Variants in PIP4P1 observed in about 807,000 individuals in gnomAD.
The protein encoded by PIP4P1 is phosphatidylinositol-4,5-bisphosphate 4-phosphatase 1, also known as type 1 phosphatidylinositol 4,5-bisphosphate 4-phosphatase.
Under a neutral mutation model 32.3 loss-of-function variants are expected in PIP4P1, and 14 were observed. The ratio of observed to expected loss-of-function variants is 0.43; its 90% CI spans 0.29 to 0.68. The LOEUF is 0.68. PIP4P1 is among the 30% of genes least tolerant of loss of function. The probability of loss-of-function intolerance (pLI) is 0.15; values close to 1 mark genes in which losing one functional copy is unlikely to be tolerated. For synonymous variants in PIP4P1, 132 were observed against 137.9 expected, an observed-to-expected ratio of 0.96 and a Z score of 0.30; for missense variants, 289 against 364.5, an observed-to-expected ratio of 0.79 and a Z score of 1.69.
In PIP4P1 at chr14:20,460,645, T is replaced by C. The variant is rs1432948195; in HGVS notation, c.333+10A>G. 1 of 1,612,608 alleles carries C rather than the reference T, an allele frequency of 6.2e-7. No individual in the cohort carries two copies. The highest frequency in any genetic ancestry group is 8.5e-7 in the Non-Finnish European group (1 of 1,179,742). On this transcript the variant is annotated intron_variant, in intron 2 of 6. Transcript: ENST00000250489. Reference sequence around the variant, plus strand: ...AAACAGGGCCCATTTCATAGATATGTGTAACTCACGGTGGCTTCATTGCAG... The same window carrying C: ...AAACAGGGCCCATTTCATAGATATGCGTAACTCACGGTGGCTTCATTGCAG...
Position 20,457,884 on chromosome 14 carries a change from A to G in PIP4P1, c.*675T>C, listed in dbSNP as rs1390338923. 8.6e-6 allele frequency: 3 copies of G among 348,988 alleles called. No homozygotes were observed. The highest frequency in any genetic ancestry group is 1.7e-5 in the Non-Finnish European group (3 of 181,528). The allele number at this position is 348,988 out of a possible 1,614,324, so 21.6% of individuals were successfully genotyped here. ...AGAGTCATGACCTTATTTATTTACA[A>G]GCACAGGATAAGTCCCTAACCTCCC... On this transcript the variant is annotated 3_prime_UTR_variant, in exon 7 of 7. Coordinates refer to ENST00000250489, the MANE Select transcript of PIP4P1 (RefSeq NM_144568.4).
rs1221741189 is a variant in PIP4P1, at chr14:20,461,397, G to A, written c.-72C>T. The A allele has an allele frequency of 3.3e-6, 4 of 1,216,444 alleles. No homozygotes were observed. Among genetic ancestry groups the A allele is most frequent in the South Asian group, 4.0e-5 (1 of 24,874 alleles). The allele number at this position is 1,216,444 out of a possible 1,614,324, so 75.4% of individuals were successfully genotyped here. Reference sequence around the variant, plus strand: ...CGCCTCTGCCGTCGCCGCAGCCACCGCCACCGCCGCCACCGCCACCGCCGC... The same window carrying A: ...CGCCTCTGCCGTCGCCGCAGCCACCACCACCGCCGCCACCGCCACCGCCGC... On this transcript the variant is annotated 5_prime_UTR_variant, in exon 1 of 7. Coordinates refer to ENST00000250489, the MANE Select transcript of PIP4P1 (RefSeq NM_144568.4).
In PIP4P1 at chr14:20,460,207, C is replaced by T; in HGVS notation, c.425G>A (p.Cys142Tyr). ...TGCCTCTTACCAGTAGGGCCGAGGGCATGCAATCCGTTGGGATGTCACTTT... is the reference window on the plus strand; with the variant it reads ...TGCCTCTTACCAGTAGGGCCGAGGGTATGCAATCCGTTGGGATGTCACTTT... Reference protein sequence around the residue: ...ICKVTSQRIACPRPYCKRIIN... With the variant: ...ICKVTSQRIAYPRPYCKRIIN... The change falls in exon 3 of 7, where the codon TGC becomes TAC. Residue 142 changes from cysteine (C) to tyrosine (Y), a missense_variant. Physicochemically the swap from Cys to Tyr is radical, Grantham distance 194. Transcript: ENST00000250489. 1 of 1,614,058 alleles carries T rather than the reference C, an allele frequency of 6.2e-7. No homozygotes were observed. The highest frequency in any genetic ancestry group is 8.5e-7 in the Non-Finnish European group (1 of 1,179,906).
chr14:20,459,139 G>A (rs1490423335), intron 6 of PIP4P1, 67 bp downstream of exon 6: 1 of 1,533,078 alleles, frequency 6.5e-7, no homozygotes, highest in Non-Finnish European at 8.9e-7. Flanking sequence ...TAGGGTAGCA[G>A]TTTCCCAAAT....
chr14:20,460,454 G>A (rs1881658233), intron 2 of PIP4P1, 156 bp from the exon 3 acceptor site: 2 of 750,592 alleles, frequency 2.7e-6, no homozygotes, highest in Non-Finnish European at 2.2e-6. Flanking sequence ...TAGGAACTAG[G>A]CTAGGTGTAA....
chr14:20,461,117 G>A, intron 1 of PIP4P1, 67 bp downstream of exon 1: 1 of 1,269,540 alleles, frequency 7.9e-7, no homozygotes, highest in Non-Finnish European at 9.9e-7. Context: ...CCCCTCCCCG[G>A]CTTTCAGAGT....
At position 20,457,693 on chromosome 14, in the gene PIP4P1, T is replaced by TAA; in HGVS notation, c.*864_*865dup. On this transcript the variant is annotated 3_prime_UTR_variant, in exon 7 of 7. Transcript: ENST00000250489. Reference sequence around the variant, plus strand: ...TTTTATTTGAGGGTTTTTTGTTTTTTAAAAAAAAATTGAACAAAGACTACT... The same window carrying TAA: ...TTTTATTTGAGGGTTTTTTGTTTTTTAAAAAAAAAAATTGAACAAAGACTACT... The TAA allele has an allele frequency of 2.6e-6, 2 of 777,822 alleles. No individual in the cohort carries two copies. The highest frequency in any genetic ancestry group is 4.0e-6 in the Non-Finnish European group (2 of 495,524). 48.2% of individuals were successfully genotyped at this position (777,822 alleles called of 1,614,324 possible).
chr14:20,460,938 G>C, intron 1 of PIP4P1, 93 bp from the exon 2 acceptor site: 1 of 1,403,264 alleles, frequency 7.1e-7, no homozygotes, highest in Non-Finnish European at 9.4e-7. Flanking sequence ...TCAACCCTCT[G>C]ACCAAGCTCG....
intron 1 of PIP4P1, 32 bp from the exon 2 acceptor site, chr14:20,460,877 C>T: frequency 1.3e-6 from 2 of 1,516,046 alleles, no homozygotes; most frequent in Non-Finnish European, 1.8e-6. Context: ...GGGCTGGGAT[C>T]ACTTACACCC....
chr14:20,459,752 C>T lies in PIP4P1; in HGVS notation c.441-19G>A. 7 of 1,601,338 alleles carry T rather than the reference C, an allele frequency of 4.4e-6. No homozygotes were observed. Among genetic ancestry groups the T allele is most frequent in the Non-Finnish European group, 6.0e-6 (7 of 1,172,538 alleles). On this transcript the variant is annotated intron_variant, in intron 3 of 6. Coordinates refer to ENST00000250489, the MANE Select transcript of PIP4P1 (RefSeq NM_144568.4). ...TCTTTTGCTATACAAAAGAAAAAGA[C>T]TTGTATTTTCAAACTTGTGTTTGAA...
At position 20,459,847 on chromosome 14, in the gene PIP4P1, C is replaced by T. The variant is rs1329133985; in HGVS notation, c.441-114G>A. ...CCCACTCCCTGTCTATTAAGTCACT[C>T]GACTTCTCTGTACTTAAGATACTCT... is the stretch of plus-strand genomic sequence containing the variant. On this transcript the variant is annotated intron_variant, in intron 3 of 6. Transcript: ENST00000250489. 9.6e-5 allele frequency: 73 copies of T among 762,960 alleles called. No homozygotes were observed. In the South Asian group the frequency reaches 1.1e-3, roughly 11 times the overall value. The allele number at this position is 762,960 out of a possible 1,614,324, so 47.3% of individuals were successfully genotyped here.
At chr14:20,460,378 T>G in intron 2 of PIP4P1, 80 bp from the exon 3 acceptor site, 1 of 1,068,056 alleles carries the variant, frequency 9.4e-7, no homozygotes, top group Non-Finnish European at 1.4e-6. Context: ...CTTTATGAGA[T>G]CAGAAAAATA....
rs766118899 is a variant in PIP4P1 at position 20,458,714 on chromosome 14, A to G, written c.691-12T>C. On this transcript the variant is annotated splice_polypyrimidine_tract_variant and intron_variant, in intron 6 of 6. Transcript: ENST00000250489. The stretch of plus-strand genomic sequence containing the variant: ...TTCCATGTGCCAAACTGATGAAGAT[A>G]AGGAGGGAGAAGAAAAGAAAGATGG... 1.1e-5 allele frequency: 17 copies of G among 1,605,416 alleles called. No individual in the cohort carries two copies. The highest frequency in any genetic ancestry group is 5.2e-5 in the Admixed American group (3 of 57,952).
chr14:20,459,361 T>C, intron 5 of PIP4P1, 27 bp downstream of exon 5: 2 of 1,614,208 alleles, frequency 1.2e-6, no homozygotes, highest in Non-Finnish European at 1.7e-6. Flanking sequence ...CATACATCAA[T>C]TACCAGCTCA....
rs561523887 is a variant in PIP4P1, at chr14:20,457,717, CTAA to C, written c.*839_*841del. 3.1e-6 allele frequency: 2 copies of C among 655,084 alleles called. No homozygotes were observed. The highest frequency in any genetic ancestry group is 3.9e-5 in the South Asian group (2 of 51,430). 40.6% of individuals were successfully genotyped at this position (655,084 alleles called of 1,614,324 possible). A position where few individuals can be genotyped will look rare whatever the true frequency, so the allele number is the denominator to read the frequency against. On this transcript the variant is annotated 3_prime_UTR_variant, in exon 7 of 7. Coordinates refer to ENST00000250489, the MANE Select transcript of PIP4P1 (RefSeq NM_144568.4). The stretch of plus-strand genomic sequence containing the variant: ...TTAAAAAAAAATTGAACAAAGACTA[CTAA>C]TGACTTTGTTTGAATTATCCACATG...
In PIP4P1 at chr14:20,459,276, T is replaced by C; in HGVS notation, c.620A>G (p.Tyr207Cys). 1.2e-6 allele frequency: 2 copies of C among 1,614,242 alleles called. No homozygotes were observed. Among genetic ancestry groups the C allele is most frequent in the Non-Finnish European group, 8.5e-7 (1 of 1,180,036 alleles). Residue 207 changes from tyrosine to cysteine, a missense_variant, in exon 6 of 7, where the codon TAC becomes TGC. Transcript: ENST00000250489. ...CRKVSSIGRR[Y>C]PRKRCICCFL... Reference sequence around the variant, plus strand: ...GCAGCAGATACATCTCTTACGTGGGTATCTGCGCCCAATAGATGACCTGTG... The same window carrying C: ...GCAGCAGATACATCTCTTACGTGGGCATCTGCGCCCAATAGATGACCTGTG...
rs1881484488 is a variant in PIP4P1 at position 20,457,828 on chromosome 14, C to G, written c.*731G>C. ...CTACACATTCTCTTCCTCATATTTT[C>G]ATGCACACAAGTTAACAACTGAAAA... On this transcript the variant is annotated 3_prime_UTR_variant, in exon 7 of 7. Coordinates refer to ENST00000250489, the MANE Select transcript of PIP4P1 (RefSeq NM_144568.4). The G allele has an allele frequency of 2.4e-6, 1 of 411,088 alleles. No homozygotes were observed. Among genetic ancestry groups the G allele is most frequent in the African/African-American group, 2.0e-5 (1 of 48,982 alleles). 25.5% of individuals were successfully genotyped at this position (411,088 alleles called of 1,614,324 possible).
In PIP4P1 at chr14:20,458,533, C is replaced by T; in HGVS notation, c.*26G>A. 6.2e-7 allele frequency: 1 copy of T among 1,610,332 alleles called. No homozygotes were observed. ...GTCACTGTCCCCACCAGGGAGGGGC[C>T]AGGCACAGTCTGTGGGTCATCAGGC... is the stretch of plus-strand genomic sequence containing the variant. On this transcript the variant is annotated 3_prime_UTR_variant, in exon 7 of 7. Transcript: ENST00000250489.
In PIP4P1 at chr14:20,458,177, G is replaced by T. The variant is rs926668008; in HGVS notation, c.*382C>A. The T allele has an allele frequency of 2.4e-6, 1 of 417,962 alleles. No homozygotes were observed. The highest frequency in any genetic ancestry group is 2.0e-5 in the African/African-American group (1 of 49,340). 25.9% of individuals were successfully genotyped at this position (417,962 alleles called of 1,614,324 possible). A position where few individuals can be genotyped will look rare whatever the true frequency, so the allele number is the denominator to read the frequency against. On this transcript the variant is annotated 3_prime_UTR_variant, in exon 7 of 7. Transcript: ENST00000250489. ...ATAGCAGCAGCAAAGTCCTAATGGT[G>T]CACAAGAGGGAGGGGAACCCCCAGG...
Sources: gnomAD v4.1 joint callset for allele counts on GRCh38, gnomAD v4.1.1 for gene constraint, MANE v1.5 for transcripts, NCBI Gene and HGNC (gene_info 2026-07-23, HGNC 2026-07-21) for gene names.